MZT2A: variants seen among roughly 807,000 people sequenced by gnomAD.
MZT2A encodes mitotic spindle organizing protein 2A.
In MZT2A, 8 loss-of-function variants were observed where a neutral mutation model predicts 12.4. The ratio of observed to expected loss-of-function variants is 0.64; its 90% CI spans 0.38 to 1.16. MZT2A has a LOEUF of 1.16. Among genes scored for constraint, MZT2A ranks in the 50% most tolerant of loss-of-function variants. The pLI is 0.01. For synonymous variants in MZT2A, 88 were observed against 107.5 expected (o/e 0.82, Z 1.12); for missense variants, 181 against 223.6 (o/e 0.81, Z 1.22).
At chr2:131,490,368 G>A (rs895213283) in intron 2 of MZT2A, 29 of 1,092,516 alleles carry the variant, frequency 2.7e-5, no homozygotes, top group East Asian at 6.0e-5. Flanking sequence ...AGGCCGAGGC[G>A]TTTGTCACGC....
At chr2:131,492,472 G>T (rs1156596652), upstream of MZT2A, 5 of 1,140,256 alleles carry the variant, frequency 4.4e-6, no homozygotes, top group South Asian at 2.1e-4. Context: ...CTGGCCTCCC[G>T]GGCTGCCCTG....
At chr2:131,483,701 C>A (rs1207377315), downstream of MZT2A, among the ~76,000 whole-genome samples, 5 of 151,354 alleles carry the variant, frequency 3.3e-5, no homozygotes, top group Non-Finnish European at 4.4e-5. Flanking sequence ...GGTAACAGAG[C>A]AAGACTCCGT....
At chr2:131,493,247 G>A, upstream of MZT2A, 1 of 1,355,418 alleles carries the variant, frequency 7.4e-7, no homozygotes, top group Non-Finnish European at 9.4e-7. Flanking sequence ...GACTCGGGCG[G>A]CCCGGCGGCT....
At position 131,483,996 on chromosome 2, in the gene MZT2A, T is replaced by C. The variant is rs1678949411; in HGVS notation, c.*65A>G. ...CTCTGCATCTCAGAAAGGTTTATTATCAACTGAAGGAGGTAACATGTAGCC... is the reference window on the plus strand; with the variant it reads ...CTCTGCATCTCAGAAAGGTTTATTACCAACTGAAGGAGGTAACATGTAGCC... On this transcript the variant is annotated 3_prime_UTR_variant, in exon 3 of 3. Transcript: ENST00000309451. 1.3e-6 allele frequency: 2 copies of C among 1,535,924 alleles called. No individual in the cohort carries two copies. The highest frequency in any genetic ancestry group is 1.4e-5 in the African/African-American group (1 of 71,858).
rs73962005 is a variant in MZT2A at position 131,485,342 on chromosome 2, C to G, written c.320-1124G>C. ...TTGCATGTTCCCAGACACTGATACACGTTTAGGTTGTTGCCTGGAACACTG... is the reference window on the plus strand; with the variant it reads ...TTGCATGTTCCCAGACACTGATACAGGTTTAGGTTGTTGCCTGGAACACTG... On this transcript the variant is annotated intron_variant, in intron 2 of 2. Transcript: ENST00000309451. Among the ~76,000 whole-genome samples the G allele has an allele frequency of 1.2e-3, 178 of 152,264 alleles. 1 individual carries two copies. Among genetic ancestry groups the G allele is most frequent in the African/African-American group, 3.9e-3 (164 of 41,532 alleles).
intron 2 of MZT2A, among the ~76,000 whole-genome samples, chr2:131,485,228 T>C (rs1375106194): frequency 2.0e-5 from 3 of 152,148 alleles, no homozygotes; most frequent in Non-Finnish European, 2.9e-5. Context: ...CCCCCCAGCA[T>C]TTCCTTTGTC....
rs183356933 is a variant in MZT2A, at chr2:131,491,120, G to T, written c.319+756C>A. The T allele has an allele frequency of 4.9e-3, 3,254 of 658,092 alleles. 27 individuals are homozygous for T. The highest frequency in any genetic ancestry group is 0.016 in the Middle Eastern group (62 of 3,980). 40.8% of individuals were successfully genotyped at this position (658,092 alleles called of 1,614,324 possible). A position where few individuals can be genotyped will look rare whatever the true frequency, so the allele number is the denominator to read the frequency against. ...TGGGCCTCCTTCCATTGGCCTGGGA[G>T]GTTGTGCTGCATTTCAGAGAGAGCC... On this transcript the variant is annotated intron_variant, in intron 2 of 2. Transcript: ENST00000309451.
chr2:131,493,277 T>C (rs1679425037), upstream of MZT2A: 1 of 1,332,336 alleles, frequency 7.5e-7, no homozygotes, highest in African/African-American at 1.5e-5. Context: ...CCGGGCAGGC[T>C]GGGGAGTGGA....
intron 2 of MZT2A, among the ~76,000 whole-genome samples, chr2:131,487,385 G>A (rs1210844539): frequency 1.3e-5 from 2 of 152,104 alleles, no homozygotes; most frequent in Admixed American, 6.5e-5. Context: ...AGAGGAGGTG[G>A]GAGGATTGCC....
chr2:131,470,567 C>A (rs113093446), intron 3 of MZT2A, among the ~76,000 whole-genome samples: 19,203 of 150,088 alleles, frequency 0.13, 1,231 homozygotes, highest in African/African-American at 0.38. Flanking sequence ...TGAGCAACAA[C>A]CCCACACCAA....
At chr2:131,489,475 C>T (rs1679199297) in intron 2 of MZT2A, 1 of 152,168 alleles carries the variant, frequency 6.6e-6, no homozygotes, top group Non-Finnish European at 1.5e-5. Context: ...CGCCATTCTC[C>T]TGCCTCAGCC....
intron 2 of MZT2A, among the ~76,000 whole-genome samples, chr2:131,476,688 C>T (rs1372255894): frequency 6.6e-6 from 1 of 152,098 alleles, no homozygotes; most frequent in Non-Finnish European, 1.5e-5. Flanking sequence ...AATCCCAGCC[C>T]TTGGGGAGGT....
chr2:131,482,856 G>C, downstream of MZT2A: 1 of 1,610,478 alleles, frequency 6.2e-7, no homozygotes, highest in South Asian at 1.1e-5. Flanking sequence ...TGAGGGGAGG[G>C]TGTGGTGGGT....
At chr2:131,492,870 G>A, upstream of MZT2A, 1 of 1,497,996 alleles carries the variant, frequency 6.7e-7, no homozygotes, top group Non-Finnish European at 9.0e-7. Context: ...CTACCTTGGG[G>A]CGCCAGAGGC....
At chr2:131,472,070 T>C (rs1261848110) in exon 3 of MZT2A, 7 of 1,290,400 alleles carry the variant, frequency 5.4e-6, no homozygotes, top group South Asian at 1.2e-5. Flanking sequence ...CTGCCTACCT[T>C]GTGCATGTCC....
chr2:131,485,509 G>A (rs1011853746), intron 2 of MZT2A, among the ~76,000 whole-genome samples: 14 of 152,316 alleles, frequency 9.2e-5, no homozygotes, highest in African/African-American at 3.4e-4. Flanking sequence ...CCTCGTGAGG[G>A]CACGCTGCAG....
intron 2 of MZT2A, among the ~76,000 whole-genome samples, chr2:131,486,184 A>T (rs6746103): frequency 6.6e-6 from 1 of 150,688 alleles, no homozygotes; most frequent in Non-Finnish European, 1.5e-5. Flanking sequence ...AGCAGTGACT[A>T]GTGAAAAAGG....
chr2:131,483,940 A>G (rs1205810070), downstream of MZT2A: 1 of 1,441,288 alleles, frequency 6.9e-7, no homozygotes, highest in Non-Finnish European at 9.1e-7. Flanking sequence ...AAAAAAAAAA[A>G]AAAAACAGTA....
intron 2 of MZT2A, chr2:131,478,237 T>C: frequency 6.2e-7 from 1 of 1,614,100 alleles, no homozygotes; most frequent in Non-Finnish European, 8.5e-7. Flanking sequence ...CTGTACTGCC[T>C]TGAACATGGA....
Sources: gnomAD v4.1 joint callset for allele counts (sites outside exome capture counted in the v4.1 genomes callset) on GRCh38, gnomAD v4.1.1 for gene constraint, MANE v1.5 for transcripts, NCBI Gene and HGNC (gene_info 2026-07-23, HGNC 2026-07-21) for gene names.